AFF3: variants seen among roughly 807,000 people sequenced by gnomAD.
AFF3 encodes ALF transcription elongation factor 3.
In AFF3, 32 loss-of-function variants were observed where a neutral mutation model predicts 129.7. That is an observed-to-expected ratio of 0.25 (90% CI 0.19 to 0.33). AFF3 has a LOEUF of 0.33. Ranked by LOEUF, AFF3 falls within the 10% of genes least tolerant of loss-of-function variation. The probability of loss-of-function intolerance (pLI) is 1.00; values close to 1 mark genes in which losing one functional copy is unlikely to be tolerated. For missense variants in AFF3, 1,373 were observed against 1,592.0 expected (o/e 0.86, Z 2.34); for synonymous variants, 644 against 635.4 (o/e 1.01, Z -0.20).
chr2:100,106,706 G>A (rs747769000), intron 2 of AFF3: 103 of 985,802 alleles, frequency 1.0e-4, no homozygotes, highest in Non-Finnish European at 1.2e-4. Context: ...GGCCCTCACC[G>A]GGATCTGGCT....
chr2:99,945,052 C>T (rs1675427937), intron 7 of AFF3, among the ~76,000 whole-genome samples: 1 of 152,152 alleles, frequency 6.6e-6, no homozygotes, highest in South Asian at 2.1e-4. Context: ...AAAGGCATGA[C>T]CTGCATCCTG....
At chr2:100,011,361 C>T in intron 4 of AFF3, 2 of 729,396 alleles carry the variant, frequency 2.7e-6, no homozygotes, top group Admixed American at 1.8e-5. Context: ...GCTTGCTGCC[C>T]TCAGTCAGGT....
intron 14 of AFF3, among the ~76,000 whole-genome samples, chr2:99,598,291 G>T (rs181085793): frequency 1.3e-5 from 2 of 152,018 alleles, no homozygotes; most frequent in East Asian, 3.9e-4. Flanking sequence ...AGTGAGTTCC[G>T]TGTGTGGGGT....
chr2:99,821,486 GAAAA>G (rs1687679039), intron 8 of AFF3, among the ~76,000 whole-genome samples: 1 of 151,698 alleles, frequency 6.6e-6, no homozygotes. Context: ...AAGAAAAAAA[GAAAA>G]AAAGAAAATA....
intron 11 of AFF3, among the ~76,000 whole-genome samples, chr2:99,676,923 A>T (rs979742374): frequency 6.6e-6 from 1 of 152,146 alleles, no homozygotes; most frequent in Non-Finnish European, 1.5e-5. Flanking sequence ...CGAGGAGCCA[A>T]GGGGGTGTTG....
intron 12 of AFF3, among the ~76,000 whole-genome samples, chr2:99,668,751 G>A (rs1419970586): frequency 1.3e-5 from 2 of 150,246 alleles, no homozygotes; most frequent in Non-Finnish European, 3.0e-5. Flanking sequence ...TGGTAGAGAG[G>A]GGGTTTCTTC....
At chr2:99,993,383 C>A (rs1052225191) in intron 7 of AFF3, among the ~76,000 whole-genome samples, 1 of 151,962 alleles carries the variant, frequency 6.6e-6, no homozygotes, top group Admixed American at 6.6e-5. Context: ...GACAATCAAT[C>A]TTATAAATAA....
chr2:99,952,168 C>G (rs140779497), intron 7 of AFF3, among the ~76,000 whole-genome samples: 1 of 152,066 alleles, frequency 6.6e-6, no homozygotes, highest in Non-Finnish European at 1.5e-5. Context: ...ATCATGGGGG[C>G]GGATTTGCCC....
At chr2:99,655,460 A>T (rs1558705917) in intron 12 of AFF3, among the ~76,000 whole-genome samples, 1 of 152,166 alleles carries the variant, frequency 6.6e-6, no homozygotes, top group African/African-American at 2.4e-5. Flanking sequence ...TGCTCTAGGC[A>T]GGGAAGCTCT....
chr2:99,976,104 T>C (rs1678865278), intron 7 of AFF3, among the ~76,000 whole-genome samples: 1 of 152,210 alleles, frequency 6.6e-6, no homozygotes, highest in African/African-American at 2.4e-5. Flanking sequence ...CAATTCTTAT[T>C]CAAAATTAAA....
chr2:99,863,176 CT>C (rs1025659988), intron 7 of AFF3, among the ~76,000 whole-genome samples: 3 of 152,162 alleles, frequency 2.0e-5, no homozygotes, highest in Non-Finnish European at 4.4e-5. Context: ...AAAGCGTAAG[CT>C]TTTTTACAGA....
At position 99,545,770 on chromosome 2, in the gene AFF3, A is replaced by G; in HGVS notation, c.*5704T>C. 5.7e-6 allele frequency: 1 copy of G among 176,238 alleles called. No individual in the cohort carries two copies. The highest frequency in any genetic ancestry group is 2.4e-5 in the African/African-American group (1 of 42,298). The allele number at this position is 176,238 out of a possible 1,614,324, so 10.9% of individuals were successfully genotyped here. A position where few individuals can be genotyped will look rare whatever the true frequency, so the allele number is the denominator to read the frequency against. On this transcript the variant is annotated 3_prime_UTR_variant, in exon 25 of 25. Coordinates refer to ENST00000672756, the MANE Select transcript of AFF3 (RefSeq NM_001386135.1). ...CCATTACTGTGAGTAAGAGCTGTGA[A>G]CCTAAATCCCCTTGCAGCCAACACA... is the stretch of plus-strand genomic sequence containing the variant.
At chr2:99,680,960 T>C (rs1354728813) in intron 11 of AFF3, among the ~76,000 whole-genome samples, 1 of 152,262 alleles carries the variant, frequency 6.6e-6, no homozygotes, top group Non-Finnish European at 1.5e-5. Context: ...TTATTGCACA[T>C]TGGCATCACT....
At position 99,549,712 on chromosome 2, in the gene AFF3, A is replaced by G. The variant is rs1287830500; in HGVS notation, c.*1762T>C. 3.7e-5 allele frequency: 8 copies of G among 218,830 alleles called. No homozygotes were observed. The highest frequency in any genetic ancestry group is 7.3e-5 in the Non-Finnish European group (8 of 109,130). 13.6% of individuals were successfully genotyped at this position (218,830 alleles called of 1,614,324 possible). The stretch of plus-strand genomic sequence containing the variant: ...ATTCCACAAGCCCTTCTTATTTTCA[A>G]TTAATTTCAAATCATCTAAGTTGTT... On this transcript the variant is annotated 3_prime_UTR_variant, in exon 25 of 25. Coordinates refer to ENST00000672756, the MANE Select transcript of AFF3 (RefSeq NM_001386135.1).
rs143149993 is a variant in AFF3 at position 99,692,799 on chromosome 2, C to T, written c.1092-20210G>A. On this transcript the variant is annotated intron_variant, in intron 11 of 24. Transcript: ENST00000672756. ...GATGCATTAAACTCCTCTGTATCCT[C>T]CAGAGAGCCAGGTTATCAGGCACTA... Among the ~76,000 whole-genome samples, 411 of 152,300 alleles carry T rather than the reference C, an allele frequency of 2.7e-3. 1 individual carries two copies. The highest frequency in any genetic ancestry group is 9.2e-3 in the African/African-American group (381 of 41,554).
At chr2:99,716,777 G>C (rs547052760) in intron 11 of AFF3, among the ~76,000 whole-genome samples, 289 of 152,034 alleles carry the variant, frequency 1.9e-3, no homozygotes, top group African/African-American at 6.5e-3. Context: ...GCTACTTTGG[G>C]GGGGCTGAGG....
chr2:99,913,497 T>A (rs1411173486), intron 7 of AFF3, among the ~76,000 whole-genome samples: 7 of 152,310 alleles, frequency 4.6e-5, no homozygotes, highest in Non-Finnish European at 1.0e-4. Flanking sequence ...TGTGGACAGA[T>A]ATACGTATGT....
At chr2:99,878,432 T>C (rs1333664076) in intron 7 of AFF3, among the ~76,000 whole-genome samples, 1 of 152,192 alleles carries the variant, frequency 6.6e-6, no homozygotes, top group Non-Finnish European at 1.5e-5. Flanking sequence ...TAAGAGTTCA[T>C]GATGGATTTT....
intron 12 of AFF3, among the ~76,000 whole-genome samples, chr2:99,656,258 G>T (rs555685760): frequency 9.9e-5 from 15 of 151,026 alleles, no homozygotes; most frequent in African/African-American, 3.2e-4. Flanking sequence ...AAGAGAAAAA[G>T]ATTTAGGTTT....
Sources: allele counts gnomAD v4.1 joint callset (sites outside exome capture counted in the v4.1 genomes callset), GRCh38; gene constraint gnomAD v4.1.1; transcripts MANE v1.5; gene names NCBI Gene and HGNC (gene_info 2026-07-23, HGNC 2026-07-21).